The following PCDHA2 variants were observed in gnomAD, a reference collection of about 807,000 sequenced individuals.
PCDHA2 encodes protocadherin alpha-2.
Under a neutral mutation model 66.0 loss-of-function variants are expected in PCDHA2, and 58 were observed. The ratio of observed to expected loss-of-function variants is 0.88; its 90% CI spans 0.71 to 1.09. PCDHA2 has a LOEUF of 1.09. PCDHA2 is among the 50% of genes least tolerant of loss of function. PCDHA2 has a pLI of 0.00. For synonymous variants in PCDHA2, 634 were observed against 554.0 expected (o/e 1.14, Z -2.03); for missense variants, 1,267 against 1,242.3 (o/e 1.02, Z -0.30).
chr5:140,825,455 AT>A (rs1326484849), intron 1 of PCDHA2: 1 of 148,934 alleles, frequency 6.7e-6, no homozygotes, highest in East Asian at 1.9e-4. Flanking sequence ...TATATCAGAT[AT>A]TTTGATACAG....
chr5:140,821,686 A>G (rs1460155529), intron 1 of PCDHA2: 3 of 1,371,046 alleles, frequency 2.2e-6, no homozygotes, highest in African/African-American at 2.9e-5. Flanking sequence ...AGGCGATAAT[A>G]TAAAAAATAT....
intron 1 of PCDHA2, chr5:140,871,489 G>T: frequency 1.3e-6 from 2 of 1,590,138 alleles, no homozygotes; most frequent in Non-Finnish European, 1.7e-6. Flanking sequence ...AAATCACCCC[G>T]GACAGGTGAG....
At chr5:140,945,481 C>T (rs269552) in intron 1 of PCDHA2, among the ~76,000 whole-genome samples, 33,891 of 151,742 alleles carry the variant, frequency 0.22, 4,873 homozygotes, top group African/African-American at 0.41. Flanking sequence ...ACAAAACACC[C>T]CAAATACCCA....
intron 1 of PCDHA2, chr5:140,803,751 G>A: frequency 7.7e-7 from 1 of 1,306,290 alleles, no homozygotes; most frequent in Non-Finnish European, 1.0e-6. Flanking sequence ...TAAGATTTTT[G>A]TTGCTAATTT....
chr5:140,848,527 G>T lies in PCDHA2; in HGVS notation c.2388+51175G>T, dbSNP rs1379026024. The T allele has an allele frequency of 1.3e-6, 2 of 1,594,382 alleles. 1 individual carries two copies. Among genetic ancestry groups the T allele is most frequent in the Non-Finnish European group, 1.7e-6 (2 of 1,164,866 alleles). On this transcript the variant is annotated intron_variant, in intron 1 of 3. Transcript: ENST00000526136. ...TACTCAAGTCGAGGAGATCCAGAGG[G>T]TCAGCCTCTACTGCTCTCGCTTCTG...
Position 140,915,075 on chromosome 5 carries a change from A to T in PCDHA2, c.2389-63874A>T, listed in dbSNP as rs111889109. ...ATTCTCCTGCCTTAGCCTACTGAGTAGCTGGGACTATGGGCACGCACCACC... is the reference window on the plus strand; with the variant it reads ...ATTCTCCTGCCTTAGCCTACTGAGTTGCTGGGACTATGGGCACGCACCACC... On this transcript the variant is annotated intron_variant, in intron 1 of 3. Transcript: ENST00000526136. 7.1e-3 allele frequency among the ~76,000 whole-genome samples: 1,070 copies of T among 151,432 alleles called. 10 individuals are homozygous for T. The highest frequency in any genetic ancestry group is 0.025 in the African/African-American group (1,035 of 41,220).
At chr5:140,918,823 C>T (rs2078875594) in intron 1 of PCDHA2, among the ~76,000 whole-genome samples, 2 of 11,382 alleles carry the variant, frequency 1.8e-4, no homozygotes, top group African/African-American at 5.2e-3. Context: ...AAAAAGTGGC[C>T]CCCTCCCCAG....
intron 1 of PCDHA2, chr5:140,835,863 C>A (rs1214782595): frequency 1.2e-6 from 2 of 1,611,982 alleles, no homozygotes; most frequent in East Asian, 2.2e-5. Flanking sequence ...GTCCTACTCG[C>A]TGGTGGAGCT....
At chr5:140,975,823 G>A (rs1239122577) in intron 1 of PCDHA2, among the ~76,000 whole-genome samples, 2 of 152,164 alleles carry the variant, frequency 1.3e-5, no homozygotes, top group Non-Finnish European at 2.9e-5. Context: ...AGGAACTGAA[G>A]TGTATTCTTA....
intron 1 of PCDHA2, among the ~76,000 whole-genome samples, chr5:140,799,837 T>C (rs1762479555): frequency 1.3e-5 from 2 of 152,098 alleles, no homozygotes; most frequent in Non-Finnish European, 2.9e-5. Flanking sequence ...AAGCAAAAAT[T>C]TGTACATTAT....
At position 140,876,392 on chromosome 5, in the gene PCDHA2, A is replaced by C. The variant is rs373053230; in HGVS notation, c.2388+79040A>C. ...ACAGGTGAAATTAGAATTTATGGTG[A>C]ACTGGATTTTGAAGAGAATAATGCC... On this transcript the variant is annotated intron_variant, in intron 1 of 3. Transcript: ENST00000526136. 1.2e-4 allele frequency: 194 copies of C among 1,613,822 alleles called. No individual in the cohort carries two copies. The highest frequency in any genetic ancestry group is 1.6e-4 in the Non-Finnish European group (184 of 1,179,914).
At chr5:140,978,301 C>T (rs1554239160) in intron 1 of PCDHA2, among the ~76,000 whole-genome samples, 1 of 152,168 alleles carries the variant, frequency 6.6e-6, no homozygotes, top group Admixed American at 6.5e-5. Flanking sequence ...GGAAAGCACT[C>T]AGGAAGGAGC....
Position 140,842,281 on chromosome 5 carries a change from T to G in PCDHA2, c.2388+44929T>G, listed in dbSNP as rs1777847899. On this transcript the variant is annotated intron_variant, in intron 1 of 3. Coordinates refer to ENST00000526136, the MANE Select transcript of PCDHA2 (RefSeq NM_018905.3). Reference sequence around the variant, plus strand: ...AAGAAAACTTATACAAAATCCTCATTGACGCCACGGACAAAGGCCATCCTC... The same window carrying G: ...AAGAAAACTTATACAAAATCCTCATGGACGCCACGGACAAAGGCCATCCTC... 3 of 1,610,824 alleles carry G rather than the reference T, an allele frequency of 1.9e-6. No individual in the cohort carries two copies. The East Asian group carries it at 6.7e-5, about 36-fold the overall frequency.
chr5:140,917,817 T>C (rs2078372214), intron 1 of PCDHA2, among the ~76,000 whole-genome samples: 1 of 152,162 alleles, frequency 6.6e-6, no homozygotes, highest in Non-Finnish European at 1.5e-5. Flanking sequence ...TAGTTGAAGT[T>C]GGGTAGTGTG....
At chr5:140,875,691 C>A (rs1554167867) in intron 1 of PCDHA2, 2 of 1,614,036 alleles carry the variant, frequency 1.2e-6, no homozygotes, top group South Asian at 1.1e-5. Flanking sequence ...GACACGGGGA[C>A]CTTCTGGAGG....
chr5:140,993,449 C>T (rs2097557237), intron 3 of PCDHA2, among the ~76,000 whole-genome samples: 1 of 144,318 alleles, frequency 6.9e-6, no homozygotes, highest in Non-Finnish European at 1.5e-5. Context: ...TTCCTGTTCT[C>T]CTTCTTTCTT....
At chr5:140,829,444 T>G (rs1554131961) in intron 1 of PCDHA2, 1 of 1,613,940 alleles carries the variant, frequency 6.2e-7, no homozygotes, top group Non-Finnish European at 8.5e-7. Context: ...TGAATGACAA[T>G]GCTCCGGCGT....
At chr5:140,827,617 C>G (rs2150148430) in intron 1 of PCDHA2, among the ~76,000 whole-genome samples, 1 of 152,176 alleles carries the variant, frequency 6.6e-6, no homozygotes, top group Non-Finnish European at 1.5e-5. Context: ...TTCTTTTCTA[C>G]CAAGAGTGTA....
intron 1 of PCDHA2, chr5:140,883,720 A>C: frequency 6.2e-7 from 1 of 1,613,566 alleles, no homozygotes; most frequent in Non-Finnish European, 8.5e-7. Context: ...ACGCGGACGC[A>C]CAGGAGAACG....
Sources: allele counts gnomAD v4.1 joint callset (sites outside exome capture counted in the v4.1 genomes callset), GRCh38; gene constraint gnomAD v4.1.1; transcripts MANE v1.5; gene names NCBI Gene and HGNC (gene_info 2026-07-23, HGNC 2026-07-21).